RBMS3: variants seen among roughly 807,000 people sequenced by gnomAD.
RBMS3 encodes the protein RNA-binding motif, single-stranded-interacting protein 3.
RBMS3 carries 27 observed loss-of-function variants against 66.8 expected under a neutral mutation model. The observed-to-expected ratio is 0.40, with a 90% CI of 0.30 to 0.56. The LOEUF is 0.56. Among genes scored for constraint, RBMS3 ranks in the 20% least tolerant of loss-of-function variants. The pLI, the probability that RBMS3 is intolerant of heterozygous loss-of-function variation, is 0.40. For missense variants in RBMS3, 513 were observed against 549.5 expected (o/e 0.93, Z 0.66); for synonymous variants, 188 against 183.0 (o/e 1.03, Z -0.22).
Position 29,556,922 on chromosome 3 carries a change from A to G in RBMS3, c.308-30192A>G, listed in dbSNP as rs78989460. 6.2e-4 allele frequency among the ~76,000 whole-genome samples: 95 copies of G among 152,216 alleles called. 1 individual carries two copies. Among genetic ancestry groups the G allele is most frequent in the African/African-American group, 2.2e-3 (91 of 41,538 alleles). ...TCAGCTACCTTGCTTGGGTTGGGAT[A>G]AACTCTGAGGTATGACGTACACTCC... On this transcript the variant is annotated intron_variant, in intron 3 of 14. Coordinates refer to ENST00000383767, the MANE Select transcript of RBMS3 (RefSeq NM_001003793.3).
intron 1 of RBMS3, among the ~76,000 whole-genome samples, chr3:29,345,444 C>G (rs1243527371): frequency 6.6e-6 from 1 of 151,724 alleles, no homozygotes; most frequent in African/African-American, 2.4e-5. Flanking sequence ...TTTTTTCCCC[C>G]ACTCTTTGTC....
intron 1 of RBMS3, among the ~76,000 whole-genome samples, chr3:29,299,327 A>T (rs534366271): frequency 6.6e-6 from 1 of 152,108 alleles, no homozygotes; most frequent in East Asian, 2.0e-4. Flanking sequence ...CACAGCAATG[A>T]CAGAAAGGCT....
At chr3:29,413,424 A>ACACT (rs2040360960) in intron 1 of RBMS3, among the ~76,000 whole-genome samples, 1 of 140,736 alleles carries the variant, frequency 7.1e-6, no homozygotes, top group Non-Finnish European at 1.5e-5. Context: ...ATACATACAT[A>ACACT]CACAGAGTTG....
intron 8 of RBMS3, among the ~76,000 whole-genome samples, chr3:29,885,970 A>G (rs1405524387): frequency 6.6e-6 from 1 of 151,918 alleles, no homozygotes; most frequent in African/African-American, 2.4e-5. Context: ...AATAAAAATT[A>G]GCTTTTATAT....
At chr3:29,842,758 CAAG>C (rs746068056) in intron 6 of RBMS3, among the ~76,000 whole-genome samples, 1 of 152,050 alleles carries the variant, frequency 6.6e-6, no homozygotes, top group Non-Finnish European at 1.5e-5. Context: ...AAGAGGGAAA[CAAG>C]AAGATCAGAG....
At chr3:29,445,617 A>G (rs1575834057) in intron 2 of RBMS3, among the ~76,000 whole-genome samples, 1 of 152,144 alleles carries the variant, frequency 6.6e-6, no homozygotes, top group Admixed American at 6.5e-5. Context: ...CTGTTGGTGA[A>G]AAAACACACA....
At chr3:29,870,667 TGTGG>T (rs1226227549) in intron 7 of RBMS3, among the ~76,000 whole-genome samples, 2 of 152,138 alleles carry the variant, frequency 1.3e-5, no homozygotes, top group African/African-American at 4.8e-5. Context: ...GTGGAAGCAC[TGTGG>T]AGTTGAGTTT....
At chr3:29,349,182 C>T (rs1429578683) in intron 1 of RBMS3, among the ~76,000 whole-genome samples, 1 of 151,386 alleles carries the variant, frequency 6.6e-6, no homozygotes, top group Non-Finnish European at 1.5e-5. Context: ...CAGCTCTCTG[C>T]TCCCTTTGCA....
intron 6 of RBMS3, among the ~76,000 whole-genome samples, chr3:29,848,600 C>A (rs927413400): frequency 6.6e-6 from 1 of 152,148 alleles, no homozygotes; most frequent in African/African-American, 2.4e-5. Flanking sequence ...GGCAGGGATG[C>A]TGAATCAGAC....
intron 10 of RBMS3, among the ~76,000 whole-genome samples, chr3:29,931,614 TA>T (rs1477497009): frequency 6.8e-6 from 1 of 147,038 alleles, no homozygotes; most frequent in Non-Finnish European, 1.5e-5. Context: ...AAGCCTTTCT[TA>T]AACCCTGAAC....
intron 3 of RBMS3, 145 bp from the exon 4 acceptor site, chr3:29,586,969 C>A: frequency 1.8e-6 from 1 of 569,032 alleles, no homozygotes; most frequent in South Asian, 2.5e-5. Context: ...GCATTAAGGA[C>A]CACTAATCTA....
chr3:29,585,548 G>A (rs1003952434), intron 3 of RBMS3, among the ~76,000 whole-genome samples: 2 of 152,046 alleles, frequency 1.3e-5, no homozygotes, highest in Non-Finnish European at 2.9e-5. Context: ...ATAATGGCAC[G>A]AAGCCAGTAG....
intron 3 of RBMS3, among the ~76,000 whole-genome samples, chr3:29,567,042 T>G (rs2149059837): frequency 6.6e-6 from 1 of 152,246 alleles, no homozygotes; most frequent in East Asian, 1.9e-4. Context: ...GTGTTATAGG[T>G]TTTTGTATTT....
At chr3:29,907,134 T>A (rs1273808234) in intron 10 of RBMS3, among the ~76,000 whole-genome samples, 1 of 152,154 alleles carries the variant, frequency 6.6e-6, no homozygotes, top group Non-Finnish European at 1.5e-5. Flanking sequence ...CATGGTTAGC[T>A]GTCCTGCCAT....
At chr3:29,697,025 G>A (rs760486379) in intron 4 of RBMS3, 52 of 984,602 alleles carry the variant, frequency 5.3e-5, no homozygotes, top group Non-Finnish European at 6.0e-5. Context: ...GAGGACAACA[G>A]AGATTATCCA....
chr3:29,426,518 C>G (rs1282938619), intron 1 of RBMS3, among the ~76,000 whole-genome samples: 2 of 152,142 alleles, frequency 1.3e-5, no homozygotes, highest in Non-Finnish European at 2.9e-5. Context: ...CTGAGGTTTT[C>G]AAAAACTAAC....
intron 3 of RBMS3, among the ~76,000 whole-genome samples, chr3:29,514,875 C>A (rs988184869): frequency 1.3e-5 from 2 of 151,468 alleles, no homozygotes; most frequent in African/African-American, 2.4e-5. Context: ...TCAGTGAGTA[C>A]TTTATGCATG....
chr3:29,769,837 C>A (rs1465300550), intron 6 of RBMS3, among the ~76,000 whole-genome samples: 2 of 151,524 alleles, frequency 1.3e-5, no homozygotes, highest in Non-Finnish European at 2.9e-5. Context: ...AGCATGCAAC[C>A]AATTTGGGGG....
chr3:29,657,744 A>G (rs2050377169), intron 4 of RBMS3, among the ~76,000 whole-genome samples: 1 of 152,192 alleles, frequency 6.6e-6, no homozygotes, highest in Admixed American at 6.5e-5. Flanking sequence ...AACACACACA[A>G]AGCAATACAA....
Sources: gnomAD v4.1 joint callset for allele counts (sites outside exome capture counted in the v4.1 genomes callset) on GRCh38, gnomAD v4.1.1 for gene constraint, MANE v1.5 for transcripts, NCBI Gene and HGNC (gene_info 2026-07-23, HGNC 2026-07-21) for gene names.